The following NKAIN2 variants were observed in gnomAD, a reference collection of about 807,000 sequenced individuals.
NKAIN2 encodes sodium/potassium-transporting ATPase subunit beta-1-interacting protein 2.
A neutral mutation model predicts 32.6 loss-of-function variants in NKAIN2; 14 were observed. That is an observed-to-expected ratio of 0.43 (90% CI 0.28 to 0.67). The LOEUF (loss-of-function observed/expected upper bound fraction) is 0.67, where lower values mean the gene tolerates loss of function less well. Among genes scored for constraint, NKAIN2 ranks in the 30% least tolerant of loss-of-function variants. NKAIN2 has a pLI of 0.17. For synonymous variants in NKAIN2, 80 were observed against 87.2 expected (o/e 0.92, Z 0.46); for missense variants, 198 against 258.3 (o/e 0.77, Z 1.60).
chr6:124,809,015 C>T (rs981127648), intron 5 of NKAIN2, among the ~76,000 whole-genome samples: 1 of 152,208 alleles, frequency 6.6e-6, no homozygotes, highest in African/African-American at 2.4e-5. Flanking sequence ...ATTCCATGCT[C>T]ATGGGTAAGA....
chr6:124,794,591 G>A (rs117538228), intron 5 of NKAIN2, among the ~76,000 whole-genome samples: 3 of 152,120 alleles, frequency 2.0e-5, no homozygotes, highest in South Asian at 2.1e-4. Flanking sequence ...TGCTCAGTGC[G>A]CAAAATATGA....
chr6:124,415,590 T>A (rs1033004266), intron 3 of NKAIN2, among the ~76,000 whole-genome samples: 7 of 152,164 alleles, frequency 4.6e-5, no homozygotes, highest in Non-Finnish European at 1.0e-4. Context: ...GAATCAATTT[T>A]ACCTTCATCC....
intron 1 of NKAIN2, among the ~76,000 whole-genome samples, chr6:124,218,742 A>T (rs553912237): frequency 6.6e-6 from 1 of 152,322 alleles, no homozygotes; most frequent in South Asian, 2.1e-4. Context: ...TCTGTAAAAA[A>T]ATCATCTAAT....
At chr6:124,173,871 T>C (rs955435165) in intron 1 of NKAIN2, among the ~76,000 whole-genome samples, 1 of 152,018 alleles carries the variant, frequency 6.6e-6, no homozygotes, top group African/African-American at 2.4e-5. Context: ...CTCTTCAGAG[T>C]AAAGTTTTGA....
intron 1 of NKAIN2, among the ~76,000 whole-genome samples, chr6:124,184,634 A>G (rs1320128296): frequency 1.3e-5 from 2 of 152,132 alleles, no homozygotes; most frequent in Non-Finnish European, 2.9e-5. Flanking sequence ...CTATAAAATC[A>G]CTCATTTTCA....
chr6:124,408,902 T>A (rs1254156981), intron 3 of NKAIN2, among the ~76,000 whole-genome samples: 4 of 152,156 alleles, frequency 2.6e-5, no homozygotes, highest in South Asian at 4.1e-4. Flanking sequence ...CTCCTTGAAG[T>A]GGTCTTTCAC....
chr6:124,591,495 C>T (rs1781910907), intron 3 of NKAIN2, among the ~76,000 whole-genome samples: 1 of 152,066 alleles, frequency 6.6e-6, no homozygotes, highest in African/African-American at 2.4e-5. Flanking sequence ...CTACTCCCTC[C>T]CTCCCTTTGC....
At chr6:124,432,717 A>C (rs190211571) in intron 3 of NKAIN2, among the ~76,000 whole-genome samples, 68 of 152,274 alleles carry the variant, frequency 4.5e-4, no homozygotes, top group Admixed American at 1.3e-3. Flanking sequence ...AACTGACTAG[A>C]TCTCCAGCCT....
At chr6:123,962,892 C>G (rs1777909438) in intron 1 of NKAIN2, among the ~76,000 whole-genome samples, 1 of 152,178 alleles carries the variant, frequency 6.6e-6, no homozygotes, top group South Asian at 2.1e-4. Context: ...AAACTGTCTG[C>G]AGTTCCTCAA....
intron 3 of NKAIN2, among the ~76,000 whole-genome samples, chr6:124,437,213 T>C (rs1042764890): frequency 2.6e-5 from 4 of 152,218 alleles, no homozygotes; most frequent in African/African-American, 9.6e-5. Context: ...TGTATTAAGA[T>C]GACTTACCCT....
chr6:124,437,499 C>T (rs1775500395), intron 3 of NKAIN2, among the ~76,000 whole-genome samples: 1 of 152,018 alleles, frequency 6.6e-6, no homozygotes, highest in African/African-American at 2.4e-5. Context: ...TCCTTCCTTC[C>T]TTTCTCACCT....
chr6:124,215,420 G>T (rs1399252086), intron 1 of NKAIN2, among the ~76,000 whole-genome samples: 1 of 151,970 alleles, frequency 6.6e-6, no homozygotes. Context: ...AATATGATGG[G>T]CCCAATCCTT....
intron 1 of NKAIN2, among the ~76,000 whole-genome samples, chr6:124,278,717 A>AAT: frequency 7.1e-6 from 1 of 141,124 alleles, no homozygotes; most frequent in Admixed American, 7.1e-5. Flanking sequence ...GAAAACATGA[A>AAT]ATATATATAT....
chr6:123,861,609 G>A (rs943305547), intron 1 of NKAIN2, among the ~76,000 whole-genome samples: 15 of 152,010 alleles, frequency 9.9e-5, no homozygotes, highest in African/African-American at 2.7e-4. Flanking sequence ...ATAAGTGTTC[G>A]TCTCTCTAAT....
intron 1 of NKAIN2, among the ~76,000 whole-genome samples, chr6:124,225,811 A>C (rs1236923548): frequency 6.6e-6 from 1 of 152,028 alleles, no homozygotes; most frequent in Non-Finnish European, 1.5e-5. Context: ...AATACCTCTG[A>C]GACAAAGGCG....
intron 3 of NKAIN2, among the ~76,000 whole-genome samples, chr6:124,451,828 G>A (rs2114623066): frequency 6.6e-6 from 1 of 152,138 alleles, no homozygotes; most frequent in East Asian, 1.9e-4. Flanking sequence ...GGAAGAGATG[G>A]GTTTCTTATA....
intron 3 of NKAIN2, among the ~76,000 whole-genome samples, chr6:124,389,132 C>G (rs990172786): frequency 2.0e-5 from 3 of 152,032 alleles, no homozygotes; most frequent in Middle Eastern, 3.2e-3. Flanking sequence ...CTTATAGGAA[C>G]CTAACACTGT....
chr6:123,930,312 T>A (rs190709476), intron 1 of NKAIN2, among the ~76,000 whole-genome samples: 1 of 152,088 alleles, frequency 6.6e-6, no homozygotes, highest in East Asian at 1.9e-4. Context: ...CAGAGTAGGA[T>A]TTAGTTGGAA....
chr6:124,360,522 T>C (rs74941133), intron 3 of NKAIN2, among the ~76,000 whole-genome samples: 5,997 of 152,248 alleles, frequency 0.039, 384 homozygotes, highest in African/African-American at 0.13. Context: ...ATTTTCTTCA[T>C]TGAAAATTCT....
Sources: allele counts gnomAD v4.1 joint callset (sites outside exome capture counted in the v4.1 genomes callset), GRCh38; gene constraint gnomAD v4.1.1; transcripts MANE v1.5; gene names NCBI Gene and HGNC (gene_info 2026-07-23, HGNC 2026-07-21).